The following CFAP47 variants were observed in gnomAD, a reference collection of about 807,000 sequenced individuals.
CFAP47 encodes the protein cilia- and flagella-associated protein 47.
A neutral mutation model predicts 148.1 loss-of-function variants in CFAP47; 29 were observed. The observed-to-expected ratio is 0.20, with a 90% CI of 0.15 to 0.27. The LOEUF (loss-of-function observed/expected upper bound fraction) is 0.27. Ranked by LOEUF, CFAP47 falls within the 10% of genes least tolerant of loss-of-function variation. The pLI is 1.00. For missense variants in CFAP47, 1,872 were observed against 1,697.5 expected (o/e 1.10, Z -1.81); for synonymous variants, 664 against 577.3 (o/e 1.15, Z -2.15).
rs750429773 is a variant in CFAP47, at chrX:35,948,376, G to A, written c.580G>A (p.Val194Met). The stretch of plus-strand genomic sequence containing the variant: ...CCTCATTTTTCCAACTAGTGGTATC[G>A]TGGATGCTAAGTCATCAATGGTTAT... ...PILIFPTSGI[V>M]DAKSSMVIKV... is the part of the protein sequence containing the mutation. The change falls in exon 4 of 64, where the codon GTG becomes ATG. Residue 194 changes from valine to methionine, a missense_variant. Physicochemically the swap from Val to Met is conservative, Grantham distance 21. Transcript: ENST00000378653. The A allele has an allele frequency of 7.2e-5, 86 of 1,198,931 alleles. No homozygotes were observed. In the South Asian group the frequency reaches 1.1e-3, roughly 15 times the overall value.
chrX:36,137,942 CT>C lies in CFAP47; in HGVS notation c.5321-15del. 1 of 590,170 alleles carries C rather than the reference CT, an allele frequency of 1.7e-6. No homozygotes were observed. Among genetic ancestry groups the C allele is most frequent in the South Asian group, 2.9e-5 (1 of 34,918 alleles). 48.6% of individuals were successfully genotyped at this position (590,170 alleles called of 1,213,427 possible). On this transcript the variant is annotated splice_polypyrimidine_tract_variant and intron_variant, in intron 33 of 63. Transcript: ENST00000378653. ...AAAACTATTGTTGTATTTACTCTCC[CT>C]CTTTTTTGAAACAGATGTTATCCCT...
chrX:35,919,799 C>T lies in CFAP47; in HGVS notation c.-1C>T, dbSNP rs200697970. On this transcript the variant is annotated 5_prime_UTR_variant, in exon 1 of 64. Coordinates refer to ENST00000378653, the MANE Select transcript of CFAP47 (RefSeq NM_001304548.2). Reference sequence around the variant, plus strand: ...GTTTTCTGGCTACCGAGAGGGCAGCCATGAACACCCAAAAGGGTTCCCTCA... The same window carrying T: ...GTTTTCTGGCTACCGAGAGGGCAGCTATGAACACCCAAAAGGGTTCCCTCA... 6 of 1,201,561 alleles carry T rather than the reference C, an allele frequency of 5.0e-6. No homozygotes were observed. Among genetic ancestry groups the T allele is most frequent in the Admixed American group, 2.2e-5 (1 of 45,360 alleles).
intron 40 of CFAP47, among the ~76,000 whole-genome samples, chrX:36,182,937 A>T (rs1939767135): frequency 8.9e-6 from 1 of 112,418 alleles, no homozygotes; most frequent in African/African-American, 3.2e-5. Context: ...TGTTATTTCC[A>T]AATGGTAGCT....
chrX:36,129,861 A>G (rs1394301603), intron 33 of CFAP47, among the ~76,000 whole-genome samples: 1 of 111,343 alleles, frequency 9.0e-6, no homozygotes, highest in East Asian at 2.8e-4. Flanking sequence ...ACTTGTATGA[A>G]GAATATATAA....
intron 60 of CFAP47, among the ~76,000 whole-genome samples, chrX:36,359,693 G>T (rs1325362532): frequency 1.8e-5 from 2 of 111,407 alleles, no homozygotes; most frequent in African/African-American, 6.5e-5. Context: ...TTATAAGTCA[G>T]GTCTAGTAGT....
At chrX:35,961,467 G>T (rs5973554) in intron 8 of CFAP47, among the ~76,000 whole-genome samples, 29,678 of 110,342 alleles carry the variant, frequency 0.27, 5,711 homozygotes, top group African/African-American at 0.67. Flanking sequence ...TTGTCAGAAA[G>T]TTTTTGGCTA....
chrX:36,214,459 TAATA>T (rs1482660616), intron 45 of CFAP47, among the ~76,000 whole-genome samples: 1 of 111,178 alleles, frequency 9.0e-6, no homozygotes. Context: ...TAATTTTATA[TAATA>T]AATTAATCTT....
chrX:36,162,432 A>G lies in CFAP47; in HGVS notation c.6026+1663A>G, dbSNP rs112524443. On this transcript the variant is annotated intron_variant, in intron 39 of 63. Coordinates refer to ENST00000378653, the MANE Select transcript of CFAP47 (RefSeq NM_001304548.2). The stretch of plus-strand genomic sequence containing the variant: ...GAATTTGACCAATTAATTAATATAG[A>G]AACTATTTTTAAGTTATAACCAATA... Among the ~76,000 whole-genome samples the G allele has an allele frequency of 4.5e-3, 501 of 111,967 alleles. 2 individuals are homozygous for G. The highest frequency in any genetic ancestry group is 0.015 in the African/African-American group (478 of 30,943).
intron 26 of CFAP47, among the ~76,000 whole-genome samples, chrX:36,051,406 C>A (rs1327660330): frequency 8.9e-6 from 1 of 112,051 alleles, no homozygotes; most frequent in Non-Finnish European, 1.9e-5. Context: ...GGGAACCCAT[C>A]TCTTGTATCA....
At chrX:36,017,712 C>G (rs1937112062) in intron 22 of CFAP47, among the ~76,000 whole-genome samples, 1 of 110,670 alleles carries the variant, frequency 9.0e-6, no homozygotes, top group South Asian at 3.8e-4. Context: ...GGATTTGTTT[C>G]TGGTTTGTCT....
intron 61 of CFAP47, among the ~76,000 whole-genome samples, chrX:36,363,489 G>A (rs1941845986): frequency 1.8e-5 from 2 of 111,555 alleles, no homozygotes; most frequent in African/African-American, 3.3e-5. Flanking sequence ...TGGAACAACC[G>A]TTGTATGTAC....
intron 2 of CFAP47, among the ~76,000 whole-genome samples, chrX:35,938,785 G>A (rs1037343368): frequency 8.9e-6 from 1 of 111,786 alleles, no homozygotes; most frequent in Non-Finnish European, 1.9e-5. Flanking sequence ...TGTTTATCAA[G>A]TGTTATTTTT....
intron 45 of CFAP47, among the ~76,000 whole-genome samples, chrX:36,221,881 C>T (rs1555990841): frequency 9.0e-6 from 1 of 111,289 alleles, no homozygotes; most frequent in Admixed American, 9.6e-5. Context: ...AGTGGAAGAT[C>T]TTATTAGACC....
At chrX:36,336,054 T>A (rs1941602246) in intron 57 of CFAP47, among the ~76,000 whole-genome samples, 1 of 110,986 alleles carries the variant, frequency 9.0e-6, no homozygotes, top group African/African-American at 3.3e-5. Flanking sequence ...TTTTTGTGCC[T>A]GACATAAGTT....
intron 46 of CFAP47, among the ~76,000 whole-genome samples, chrX:36,234,290 A>C (rs1307183475): frequency 1.8e-5 from 2 of 110,392 alleles, no homozygotes; most frequent in Non-Finnish European, 3.8e-5. Flanking sequence ...ATAGTCCCAT[A>C]TTTCTTGGAG....
intron 21 of CFAP47, among the ~76,000 whole-genome samples, chrX:36,005,348 T>C (rs1027466591): frequency 3.6e-5 from 4 of 111,863 alleles, no homozygotes; most frequent in Non-Finnish European, 5.7e-5. Flanking sequence ...AATACTGTTT[T>C]ACATTTACCC....
chrX:36,322,720 T>A (rs1404722360), intron 57 of CFAP47, among the ~76,000 whole-genome samples: 1 of 111,288 alleles, frequency 9.0e-6, no homozygotes, highest in Admixed American at 9.6e-5. Context: ...AATTTCTTAT[T>A]GTCTTCTCTA....
chrX:36,326,934 T>C (rs950679339), intron 57 of CFAP47, among the ~76,000 whole-genome samples: 6 of 111,508 alleles, frequency 5.4e-5, no homozygotes, highest in African/African-American at 2.0e-4. Flanking sequence ...ACCCTTCCTT[T>C]CACCATATAC....
chrX:36,268,180 T>TGAGC (rs1940917532), intron 49 of CFAP47, among the ~76,000 whole-genome samples: 1 of 113,704 alleles, frequency 8.8e-6, no homozygotes, highest in African/African-American at 3.2e-5. Flanking sequence ...CAGGCCAATT[T>TGAGC]CTGGCATACA....
Sources: gnomAD v4.1 joint callset for allele counts (sites outside exome capture counted in the v4.1 genomes callset) on GRCh38, gnomAD v4.1.1 for gene constraint, MANE v1.5 for transcripts, NCBI Gene and HGNC (gene_info 2026-07-23, HGNC 2026-07-21) for gene names.